Variants in POLH observed in about 807,000 individuals in gnomAD.
POLH encodes DNA polymerase eta, also known as DNA polymerase eta transcript.
POLH carries 53 observed loss-of-function variants against 73.6 expected under a neutral mutation model. That is an observed-to-expected ratio of 0.72 (90% CI 0.58 to 0.91). The LOEUF (loss-of-function observed/expected upper bound fraction) is 0.91. Among genes scored for constraint, POLH ranks in the 40% least tolerant of loss-of-function variants. The pLI is 0.00. For missense variants in POLH, 768 were observed against 865.4 expected (o/e 0.89, Z 1.41); for synonymous variants, 292 against 308.5 (o/e 0.95, Z 0.56).
In POLH at chr6:43,582,347, G is replaced by A; in HGVS notation, c.28G>A (p.Ala10Thr). The part of the protein sequence containing the change: MATGQDRVV[A>T]LVDMDCFFVQ... ...GGCTACTGGACAGGATCGAGTGGTT[G>A]CTCTCGTGGACATGGACTGTTTTTT... Residue 10 changes from alanine to threonine, a missense_variant, in exon 2 of 11, where the codon GCT becomes ACT. Transcript: ENST00000372236. 6.2e-7 allele frequency: 1 copy of A among 1,614,108 alleles called. No homozygotes were observed. Among genetic ancestry groups the A allele is most frequent in the Non-Finnish European group, 8.5e-7 (1 of 1,179,972 alleles).
chr6:43,605,464 T>G (rs1000673974), intron 9 of POLH, 145 bp downstream of exon 9: 160 of 592,712 alleles, frequency 2.7e-4, no homozygotes, highest in Admixed American at 1.7e-4. Context: ...TTTTTTTTTT[T>G]TTTGAGACAT....
Position 43,582,562 on chromosome 6 carries a change from CTGTT to C in POLH, c.137+107_137+110del. 6.1e-6 allele frequency: 7 copies of C among 1,153,888 alleles called. No homozygotes were observed. The South Asian group carries it at 8.6e-5, about 14-fold the overall frequency. The allele number at this position is 1,153,888 out of a possible 1,614,324, so 71.5% of individuals were successfully genotyped here. On this transcript the variant is annotated intron_variant, in intron 2 of 10. Coordinates refer to ENST00000372236, the MANE Select transcript of POLH (RefSeq NM_006502.3). ...GTGGTGGTGGTGACAGGGCCTTTCT[CTGTT>C]GTCCCATCCAGAGCGCAGTGGCACC...
At chr6:43,608,507 C>T (rs1405993905) in intron 9 of POLH, among the ~76,000 whole-genome samples, 1 of 152,100 alleles carries the variant, frequency 6.6e-6, no homozygotes, top group Non-Finnish European at 1.5e-5. Context: ...TCTCTAAGTC[C>T]CTGGGGCCTT....
At position 43,576,225 on chromosome 6, in the gene POLH, A is replaced by G. The variant is rs1763330751; in HGVS notation, c.-220A>G. 5.1e-6 allele frequency: 1 copy of G among 195,392 alleles called. No homozygotes were observed. Among genetic ancestry groups the G allele is most frequent in the South Asian group, 1.3e-4 (1 of 7,910 alleles). 12.1% of individuals were successfully genotyped at this position (195,392 alleles called of 1,614,324 possible). ...TTGCTGGGCGCGCCGCTCTCGTCTG[A>G]TCCCTGCTGGGGACGGTTGCCCGGG... On this transcript the variant is annotated 5_prime_UTR_variant, in exon 1 of 11. Coordinates refer to ENST00000372236, the MANE Select transcript of POLH (RefSeq NM_006502.3).
In POLH at chr6:43,582,352, C is replaced by T. The variant is rs993181321; in HGVS notation, c.33C>T (p.Leu11=). 3.1e-6 allele frequency: 5 copies of T among 1,614,036 alleles called. No individual in the cohort carries two copies. The highest frequency in any genetic ancestry group is 2.7e-5 in the African/African-American group (2 of 75,024). The change falls in exon 2 of 11, where the codon CTC becomes CTT. Residue 11 remains leucine, a synonymous_variant. Coordinates refer to ENST00000372236, the MANE Select transcript of POLH (RefSeq NM_006502.3). MATGQDRVVA[L]VDMDCFFVQV... ...CTGGACAGGATCGAGTGGTTGCTCTCGTGGACATGGACTGTTTTTTTGTTC... is the reference window on the plus strand; with the variant it reads ...CTGGACAGGATCGAGTGGTTGCTCTTGTGGACATGGACTGTTTTTTTGTTC...
intron 3 of POLH, among the ~76,000 whole-genome samples, chr6:43,584,411 T>C (rs1406433691): frequency 1.3e-5 from 2 of 152,192 alleles, no homozygotes; most frequent in East Asian, 3.8e-4. Flanking sequence ...CCAAATACTC[T>C]TAAAAATACC....
chr6:43,591,760 T>C lies in POLH; in HGVS notation c.490+4271T>C, dbSNP rs1765488144. ...CCCTTGCTGGCCTCCGAAAAATTTG[T>C]ATCTATACATAAGACAATTTTGCAT... On this transcript the variant is annotated intron_variant, in intron 4 of 10. Transcript: ENST00000372236. 2.0e-5 allele frequency among the ~76,000 whole-genome samples: 3 copies of C among 152,196 alleles called. No individual in the cohort carries two copies. The South Asian group carries it at 6.2e-4, about 31-fold the overall frequency.
intron 9 of POLH, among the ~76,000 whole-genome samples, chr6:43,607,982 T>C (rs1767482642): frequency 6.6e-6 from 1 of 152,010 alleles, no homozygotes; most frequent in African/African-American, 2.4e-5. Context: ...AATACAAAAA[T>C]TAGCTGGGCG....
intron 4 of POLH, among the ~76,000 whole-genome samples, chr6:43,589,253 T>C (rs575313653): frequency 6.6e-6 from 1 of 152,366 alleles, no homozygotes; most frequent in South Asian, 2.1e-4. Context: ...ATCCATGATA[T>C]GGATCCACCA....
chr6:43,602,555 G>C (rs562370813), intron 6 of POLH, among the ~76,000 whole-genome samples: 1 of 152,284 alleles, frequency 6.6e-6, no homozygotes, highest in South Asian at 2.1e-4. Flanking sequence ...TATTTTCAGT[G>C]AACTGGGACC....
chr6:43,607,875 G>A (rs1246190298), intron 9 of POLH, among the ~76,000 whole-genome samples: 2 of 152,110 alleles, frequency 1.3e-5, no homozygotes, highest in African/African-American at 4.8e-5. Flanking sequence ...GCCGGGCGTG[G>A]TGGCTCAAAT....
rs1768533746 is a variant in POLH at position 43,619,019 on chromosome 6, T to C, written c.*4462T>C. Among the ~76,000 whole-genome samples, 1 of 151,942 alleles carries C rather than the reference T, an allele frequency of 6.6e-6. No homozygotes were observed. Among genetic ancestry groups the C allele is most frequent in the Admixed American group, 6.6e-5 (1 of 15,250 alleles). On this transcript the variant is annotated 3_prime_UTR_variant, in exon 11 of 11. Coordinates refer to ENST00000372236, the MANE Select transcript of POLH (RefSeq NM_006502.3). ...TGGGGAAGATTTGAAAACCACTAGA[T>C]TTACCAGGAAATTTTTTTCTTCAAA...
chr6:43,589,235 G>A (rs1211054004), intron 4 of POLH, among the ~76,000 whole-genome samples: 1 of 152,106 alleles, frequency 6.6e-6, no homozygotes, highest in African/African-American at 2.4e-5. Context: ...GCTGTTACTT[G>A]CAGCGTAATC....
Position 43,597,779 on chromosome 6 carries a change from G to A in POLH, c.574G>A (p.Val192Met), listed in dbSNP as rs755224547. ...CACCTCTCCAGACCTGCAGCTCACC[G>A]TGGGAGCAGTGATTGTGGAGGAAAT... ...NLTSPDLQLT[V>M]GAVIVEEMRA... The change falls in exon 5 of 11, where the codon GTG becomes ATG. Residue 192 changes from valine (V) to methionine (M), a missense_variant. By Grantham distance (21) the Val-to-Met change is conservative. Coordinates refer to ENST00000372236, the MANE Select transcript of POLH (RefSeq NM_006502.3). The A allele has an allele frequency of 3.4e-5, 55 of 1,613,612 alleles. No homozygotes were observed. The highest frequency in any genetic ancestry group is 4.2e-5 in the Non-Finnish European group (50 of 1,179,634).
intron 1 of POLH, among the ~76,000 whole-genome samples, chr6:43,579,145 T>C (rs566055671): frequency 1.3e-5 from 2 of 151,288 alleles, no homozygotes; most frequent in Non-Finnish European, 2.9e-5. Context: ...GAAGCAAGCC[T>C]CAGAAAACAG....
rs185747468 is a variant in POLH at position 43,588,987 on chromosome 6, G to A, written c.490+1498G>A. Among the ~76,000 whole-genome samples, 61 of 152,084 alleles carry A rather than the reference G, an allele frequency of 4.0e-4. 1 individual carries two copies. Among genetic ancestry groups the A allele is most frequent in the Middle Eastern group, 3.4e-3 (1 of 294 alleles). ...TGAGTAGCTGGGATTACGGGCGCCC[G>A]CCACCGCGCCCGGCTAATTTTTTTG... On this transcript the variant is annotated intron_variant, in intron 4 of 10. Coordinates refer to ENST00000372236, the MANE Select transcript of POLH (RefSeq NM_006502.3).
At chr6:43,594,332 T>A (rs1765812897) in intron 4 of POLH, among the ~76,000 whole-genome samples, 1 of 152,170 alleles carries the variant, frequency 6.6e-6, no homozygotes, top group African/African-American at 2.4e-5. Context: ...TATTTATTGT[T>A]CTTAATATGT....
chr6:43,595,466 G>C (rs1016130508), intron 4 of POLH, among the ~76,000 whole-genome samples: 2 of 151,834 alleles, frequency 1.3e-5, no homozygotes, highest in Admixed American at 1.3e-4. Flanking sequence ...AAAGTTCCTT[G>C]GCCGGGCGCA....
intron 9 of POLH, among the ~76,000 whole-genome samples, chr6:43,609,012 G>A (rs556536748): frequency 6.6e-6 from 1 of 152,082 alleles, no homozygotes; most frequent in Non-Finnish European, 1.5e-5. Flanking sequence ...AGCACTTCCC[G>A]TTTCTTTGCC....
Sources: gnomAD v4.1 joint callset for allele counts (sites outside exome capture counted in the v4.1 genomes callset) on GRCh38, gnomAD v4.1.1 for gene constraint, MANE v1.5 for transcripts, NCBI Gene and HGNC (gene_info 2026-07-23, HGNC 2026-07-21) for gene names.